POFUT3: variants seen among roughly 807,000 people sequenced by gnomAD.
POFUT3 encodes the protein protein O-fucosyltransferase 3, also known as GDP-fucose protein O-fucosyltransferase 3.
the POFUT3 span, chr8:33,361,474 T>C: frequency 6.6e-6 from 1 of 152,188 alleles, no homozygotes; most frequent in Non-Finnish European, 1.5e-5. Context: ...ATGTTTCAAA[T>C]AGAGTGACAG....
At chr8:33,453,609 T>C in the POFUT3 span, 4 of 1,003,736 alleles carry the variant, frequency 4.0e-6, no homozygotes, top group Non-Finnish European at 6.0e-6. Flanking sequence ...TCGTTTTCAA[T>C]TGCTGCTGTA....
At chr8:33,370,627 G>A in the POFUT3 span, among the ~76,000 whole-genome samples, 3 of 152,158 alleles carry the variant, frequency 2.0e-5, no homozygotes, top group Non-Finnish European at 4.4e-5. Flanking sequence ...TTTATCTATG[G>A]ACTTGATGAA....
chr8:33,311,376 T>A, the POFUT3 span, among the ~76,000 whole-genome samples: 1 of 152,178 alleles, frequency 6.6e-6, no homozygotes, highest in African/African-American at 2.4e-5. Flanking sequence ...AATAGATACA[T>A]GTTGAATCAA....
chr8:33,322,674 C>G, the POFUT3 span, among the ~76,000 whole-genome samples: 1 of 152,100 alleles, frequency 6.6e-6, no homozygotes, highest in East Asian at 1.9e-4. Context: ...AACAGGCAAT[C>G]TAATCCACTT....
At chr8:33,418,256 G>A in the POFUT3 span, among the ~76,000 whole-genome samples, 3 of 152,072 alleles carry the variant, frequency 2.0e-5, no homozygotes, top group Non-Finnish European at 4.4e-5. Context: ...CACCACCGCT[G>A]AACCATAGCA....
At chr8:33,354,745 A>G in the POFUT3 span, among the ~76,000 whole-genome samples, 11 of 152,320 alleles carry the variant, frequency 7.2e-5, no homozygotes, top group African/African-American at 1.2e-4. Context: ...TGCAAAAATA[A>G]AGGAAATTTT....
the POFUT3 span, among the ~76,000 whole-genome samples, chr8:33,310,270 GT>G: frequency 8.4e-6 from 1 of 118,348 alleles, no homozygotes. Context: ...AAAAAAAGAA[GT>G]TTTTTACAGT....
the POFUT3 span, among the ~76,000 whole-genome samples, chr8:33,383,807 T>C: frequency 6.6e-6 from 1 of 151,748 alleles, no homozygotes; most frequent in Non-Finnish European, 1.5e-5. Flanking sequence ...AAAAAACAAC[T>C]GCCCCCTCAG....
chr8:33,433,976 A>G, the POFUT3 span, among the ~76,000 whole-genome samples: 1 of 151,674 alleles, frequency 6.6e-6, no homozygotes, highest in Non-Finnish European at 1.5e-5. Context: ...ATAAAAAAAA[A>G]AAAAAAGCCG....
the POFUT3 span, among the ~76,000 whole-genome samples, chr8:33,444,557 C>T: frequency 1.3e-5 from 2 of 152,082 alleles, no homozygotes; most frequent in African/African-American, 4.8e-5. Flanking sequence ...GTGGCTCACA[C>T]CTGCAATCCC....
At chr8:33,312,123 GT>G in the POFUT3 span, among the ~76,000 whole-genome samples, 73 of 152,078 alleles carry the variant, frequency 4.8e-4, no homozygotes, top group African/African-American at 1.6e-3. Flanking sequence ...TTAGCCAGGC[GT>G]GGTGGCACAT....
the POFUT3 span, among the ~76,000 whole-genome samples, chr8:33,354,831 G>A: frequency 1.0e-3 from 155 of 152,294 alleles, 1 homozygote; most frequent in African/African-American, 3.6e-3. Flanking sequence ...GACTTATGTG[G>A]GGAGGAGCAT....
the POFUT3 span, chr8:33,388,900 G>A: frequency 7.8e-7 from 1 of 1,274,108 alleles, no homozygotes; most frequent in Non-Finnish European, 1.1e-6. Flanking sequence ...AGGAAATGCA[G>A]GAGAGCAGAG....
the POFUT3 span, among the ~76,000 whole-genome samples, chr8:33,366,564 T>C: frequency 6.6e-6 from 1 of 152,230 alleles, no homozygotes; most frequent in Non-Finnish European, 1.5e-5. Context: ...TCTGCATTTA[T>C]TCAGTGTCAA....
At chr8:33,328,892 G>A in the POFUT3 span, among the ~76,000 whole-genome samples, 1 of 152,106 alleles carries the variant, frequency 6.6e-6, no homozygotes, top group East Asian at 1.9e-4. Context: ...AGAGGAGCCT[G>A]GGCAGACACC....
the POFUT3 span, among the ~76,000 whole-genome samples, chr8:33,447,651 A>T: frequency 6.8e-6 from 1 of 147,416 alleles, no homozygotes; most frequent in Middle Eastern, 3.4e-3. Context: ...GTTTATATTC[A>T]GAAAATGATT....
the POFUT3 span, among the ~76,000 whole-genome samples, chr8:33,331,836 C>T: frequency 1.3e-5 from 2 of 152,000 alleles, no homozygotes; most frequent in East Asian, 2.0e-4. Flanking sequence ...CCACCACGCC[C>T]GGCTAATTTT....
At chr8:33,338,364 A>C in the POFUT3 span, among the ~76,000 whole-genome samples, 1 of 151,994 alleles carries the variant, frequency 6.6e-6, no homozygotes, top group African/African-American at 2.4e-5. Flanking sequence ...TCTAAAATGT[A>C]AAAGAGGGAG....
At chr8:33,443,546 G>C in the POFUT3 span, among the ~76,000 whole-genome samples, 6 of 152,142 alleles carry the variant, frequency 3.9e-5, no homozygotes. Context: ...AGGCTGGAGT[G>C]TAGTGGCACG....
Sources: gnomAD v4.1 joint callset for allele counts (sites outside exome capture counted in the v4.1 genomes callset) on GRCh38, gnomAD v4.1.1 for gene constraint, MANE v1.5 for transcripts, NCBI Gene and HGNC (gene_info 2026-07-23, HGNC 2026-07-21) for gene names.